Variants in FRMD3 observed in about 807,000 individuals in gnomAD.
FRMD3 encodes FERM domain-containing protein 3.
FRMD3 carries 33 observed loss-of-function variants against 70.2 expected under a neutral mutation model. The observed-to-expected ratio is 0.47, with a 90% CI of 0.36 to 0.63. The LOEUF (loss-of-function observed/expected upper bound fraction) is 0.63. Among genes scored for constraint, FRMD3 ranks in the 20% least tolerant of loss-of-function variants. The probability of loss-of-function intolerance (pLI) is 0.00; values close to 1 mark genes in which losing one functional copy is unlikely to be tolerated. For missense variants in FRMD3, 632 were observed against 711.4 expected, an observed-to-expected ratio of 0.89 and a Z score of 1.27; for synonymous variants, 279 against 255.9, an observed-to-expected ratio of 1.09 and a Z score of -0.86.
At chr9:83,425,753 A>G (rs1164044272) in intron 1 of FRMD3, among the ~76,000 whole-genome samples, 1 of 151,910 alleles carries the variant, frequency 6.6e-6, no homozygotes, top group African/African-American at 2.4e-5. Flanking sequence ...CTAAAAATAC[A>G]AAAATTAGCC....
In FRMD3 at chr9:83,248,210, A is replaced by C; in HGVS notation, c.1502T>G (p.Leu501Arg). The part of the protein sequence containing the change: ...NAFLIAEEEE[L>R]KEARRALSWS... The stretch of plus-strand genomic sequence containing the variant: ...CGACAAAGCACGGCGAGCCTCCTTC[A>C]GCTCCTCTTCTTCAGCAATCAAAAA... The change falls in exon 14 of 14, where the codon CTG becomes CGG. Residue 501 changes from leucine (L) to arginine (R), a missense_variant. Physicochemically the swap from Leu to Arg is moderately radical, Grantham distance 102 (BLOSUM62 -2). Around this residue, in one of 3 missense-constraint regions of FRMD3, gnomAD observed 418 missense variants for 442.1 expected, o/e 0.95. Transcript: ENST00000304195. 1 of 1,614,190 alleles carries C rather than the reference A, an allele frequency of 6.2e-7. No homozygotes were observed.
Position 83,441,289 on chromosome 9 carries a change from A to C in FRMD3, c.148-51581T>G, listed in dbSNP as rs12378340. Among the ~76,000 whole-genome samples, 682 of 152,334 alleles carry C rather than the reference A, an allele frequency of 4.5e-3. 45 individuals carry two copies. In the East Asian group the frequency reaches 0.11, roughly 25 times the overall value. ...TTATTTCAAAATATCACCTTTGAAA[A>C]GAACGTGGGAATGCCTGAGAAGTCA... On this transcript the variant is annotated intron_variant, in intron 1 of 13. Transcript: ENST00000304195.
chr9:83,357,718 T>A (rs1184425086), intron 3 of FRMD3, among the ~76,000 whole-genome samples: 1 of 152,206 alleles, frequency 6.6e-6, no homozygotes, highest in Non-Finnish European at 1.5e-5. Flanking sequence ...CATTTGTATA[T>A]CTTCTTTTGA....
At chr9:83,526,343 A>G (rs556237793) in intron 1 of FRMD3, among the ~76,000 whole-genome samples, 1 of 152,330 alleles carries the variant, frequency 6.6e-6, no homozygotes, top group Admixed American at 6.5e-5. Context: ...TCTCTCCTGG[A>G]ATGGCATCGC....
intron 3 of FRMD3, among the ~76,000 whole-genome samples, chr9:83,365,777 GT>G (rs1824765721): frequency 6.6e-6 from 1 of 152,166 alleles, no homozygotes; most frequent in Non-Finnish European, 1.5e-5. Flanking sequence ...GGCATGGTGT[GT>G]TTAGGCAGAG....
the FRMD3 span, among the ~76,000 whole-genome samples, chr9:83,573,738 T>TTCTCTCTC: frequency 1.4e-5 from 2 of 146,158 alleles, no homozygotes; most frequent in African/African-American, 5.1e-5. Flanking sequence ...AAAAGAACGA[T>TTCTCTCTC]TCTCTCTCTC....
chr9:83,265,736 A>G (rs1833226154), intron 13 of FRMD3, among the ~76,000 whole-genome samples: 1 of 152,228 alleles, frequency 6.6e-6, no homozygotes, highest in Non-Finnish European at 1.5e-5. Context: ...GAAACTGGCC[A>G]TATCAGGGTG....
At chr9:83,357,766 G>A (rs1302385601) in intron 3 of FRMD3, among the ~76,000 whole-genome samples, 1 of 151,870 alleles carries the variant, frequency 6.6e-6, no homozygotes. Context: ...CTTTTTGATG[G>A]GATTGCTTGT....
chr9:83,538,028 GGCCCCCCGCCCTGCTCCCGGCGTGT>G lies in FRMD3; in HGVS notation c.147+32_147+56del. ...CTTGTTCTCGCATGCCCACCGCAAA[GGCCCCCCGCCCTGCTCCCGGCGTGT>G]GCCCCGCGCCCTCGCCCGGTTCCAC... On this transcript the variant is annotated intron_variant, in intron 1 of 13. Coordinates refer to ENST00000304195, the MANE Select transcript of FRMD3 (RefSeq NM_174938.6). This position sits in a 1 kb window ranked among gnomAD's most constrained non-coding sequence, Gnocchi z 4.7. The G allele has an allele frequency of 6.3e-7, 1 of 1,587,710 alleles. No homozygotes were observed. Among genetic ancestry groups the G allele is most frequent in the East Asian group, 2.3e-5 (1 of 44,292 alleles).
At chr9:83,507,877 G>A (rs115725757) in intron 1 of FRMD3, among the ~76,000 whole-genome samples, 2,081 of 150,810 alleles carry the variant, frequency 0.014, 58 homozygotes, top group African/African-American at 0.048. Context: ...TTAAATACAT[G>A]AACCAGTAAC....
chr9:83,278,355 TG>T (rs1433831879), intron 13 of FRMD3, among the ~76,000 whole-genome samples: 1 of 152,068 alleles, frequency 6.6e-6, no homozygotes, highest in Non-Finnish European at 1.5e-5. Flanking sequence ...AATAATCCCC[TG>T]GCTACTGTAT....
chr9:83,490,798 T>A (rs4460466), intron 1 of FRMD3, among the ~76,000 whole-genome samples: 59,453 of 110,728 alleles, frequency 0.54, 15,515 homozygotes, highest in Middle Eastern at 0.69. Flanking sequence ...TCTCTCTCTC[T>A]CACACACACA....
intron 4 of FRMD3, among the ~76,000 whole-genome samples, chr9:83,346,925 C>T (rs1564027240): frequency 6.6e-6 from 1 of 152,180 alleles, no homozygotes; most frequent in Non-Finnish European, 1.5e-5. Flanking sequence ...AGCAAGGTCA[C>T]ACAAATGCTT....
At chr9:83,507,681 A>AAT (rs1829218704) in intron 1 of FRMD3, among the ~76,000 whole-genome samples, 1 of 79,078 alleles carries the variant, frequency 1.3e-5, no homozygotes, top group Non-Finnish European at 2.4e-5. Flanking sequence ...AACAAAAAAA[A>AAT]ATATACATAC....
At chr9:83,366,219 A>C (rs2131239083) in intron 3 of FRMD3, among the ~76,000 whole-genome samples, 1 of 152,284 alleles carries the variant, frequency 6.6e-6, no homozygotes, top group East Asian at 1.9e-4. Context: ...TTTTCAAGCA[A>C]TTACATTTAA....
intron 4 of FRMD3, among the ~76,000 whole-genome samples, chr9:83,348,573 T>A (rs1824039903): frequency 6.6e-6 from 1 of 152,144 alleles, no homozygotes; most frequent in African/African-American, 2.4e-5. Context: ...ACTGTGAATG[T>A]ACTGAATGCC....
rs538210395 is a variant in FRMD3, at chr9:83,407,825, G to A, written c.148-18117C>T. ...TAGACTGGTCTGGCCAGCAGAGGAG[G>A]GGGGTTGTTGAGTCTCTCTCTCTCT... On this transcript the variant is annotated intron_variant, in intron 1 of 13. Transcript: ENST00000304195. Among the ~76,000 whole-genome samples the A allele has an allele frequency of 4.0e-5, 5 of 124,100 alleles. No individual in the cohort carries two copies. The East Asian group carries it at 9.2e-4, about 23-fold the overall frequency. The allele number at this position is 124,100 out of a possible 152,430, so 81.4% of individuals were successfully genotyped here.
At chr9:83,326,480 A>G (rs1243385430) in intron 6 of FRMD3, among the ~76,000 whole-genome samples, 1 of 152,184 alleles carries the variant, frequency 6.6e-6, no homozygotes, top group East Asian at 1.9e-4. Context: ...ACAGGGAAAA[A>G]CTAACTGCAA....
chr9:83,445,108 G>A (rs1324536249), intron 1 of FRMD3, among the ~76,000 whole-genome samples: 1 of 152,202 alleles, frequency 6.6e-6, no homozygotes, highest in Non-Finnish European at 1.5e-5. Context: ...GAGCACAGTG[G>A]CTCACGCCTG....
Sources: gnomAD v4.1 joint callset for allele counts (sites outside exome capture counted in the v4.1 genomes callset) on GRCh38, gnomAD v4.1.1 for gene constraint, gnomAD v4.1.1 regional missense constraint, Gnocchi (gnomAD v3.1) non-coding constraint, MANE v1.5 for transcripts, NCBI Gene and HGNC (gene_info 2026-07-23, HGNC 2026-07-21) for gene names.